The following CENPP variants were observed in gnomAD, a reference collection of about 807,000 sequenced individuals.
The protein encoded by CENPP is centromere protein P.
CENPP carries 24 observed loss-of-function variants against 35.6 expected under a neutral mutation model. The ratio of observed to expected loss-of-function variants is 0.67; its 90% CI spans 0.49 to 0.95. The LOEUF (loss-of-function observed/expected upper bound fraction) is 0.95, where lower values mean the gene tolerates loss of function less well. Ranked by LOEUF, CENPP falls within the 40% of genes least tolerant of loss-of-function variation. CENPP has a pLI of 0.00. For missense variants in CENPP, 332 were observed against 345.3 expected, an observed-to-expected ratio of 0.96 and a Z score of 0.31; for synonymous variants, 120 against 125.5, an observed-to-expected ratio of 0.96 and a Z score of 0.29.
chr9:92,365,903 G>A (rs1411992485), intron 4 of CENPP, among the ~76,000 whole-genome samples: 1 of 151,174 alleles, frequency 6.6e-6, no homozygotes, highest in Non-Finnish European at 1.5e-5. Context: ...AGGGTTCGCT[G>A]GGCATGGTGG....
At chr9:92,416,591 C>A in intron 5 of CENPP, 1 of 1,342,038 alleles carries the variant, frequency 7.5e-7, no homozygotes, top group Non-Finnish European at 1.0e-6. Flanking sequence ...TTCTTTCTCT[C>A]TTCAAAACAC....
chr9:92,455,395 A>C (rs1394678117), intron 5 of CENPP, among the ~76,000 whole-genome samples: 1 of 152,064 alleles, frequency 6.6e-6, no homozygotes, highest in Non-Finnish European at 1.5e-5. Flanking sequence ...GTCTCTTAAC[A>C]AAATAAAAAA....
intron 5 of CENPP, among the ~76,000 whole-genome samples, chr9:92,442,398 C>CAAAAAAAAAAAAAAAAA (rs71362387): frequency 1.3e-5 from 1 of 74,486 alleles, no homozygotes; most frequent in African/African-American, 4.4e-5. Context: ...AACTCTGTCT[C>CAAAAAAAAAAAAAAAAA]AAAAAAAAAA....
chr9:92,619,361 G>C lies in CENPP; in HGVS notation c.*6212G>C. 1.3e-6 allele frequency: 1 copy of C among 743,546 alleles called. No individual in the cohort carries two copies. The highest frequency in any genetic ancestry group is 1.7e-5 in the African/African-American group (1 of 58,124). The allele number at this position is 743,546 out of a possible 1,614,324, so 46.1% of individuals were successfully genotyped here. On this transcript the variant is annotated 3_prime_UTR_variant, in exon 8 of 8. Coordinates refer to ENST00000375587, the MANE Select transcript of CENPP (RefSeq NM_001012267.3). ...GCCCCATGATGTCACATAGGCCAAGGAAGTTATGTCACTCCGCCATGGAGT... is the reference window on the plus strand; with the variant it reads ...GCCCCATGATGTCACATAGGCCAAGCAAGTTATGTCACTCCGCCATGGAGT...
At chr9:92,483,284 G>A (rs892372235) in intron 5 of CENPP, among the ~76,000 whole-genome samples, 26 of 150,910 alleles carry the variant, frequency 1.7e-4, no homozygotes, top group Admixed American at 5.3e-4. Context: ...GCTGGAGTGC[G>A]GTGGCGCAAT....
chr9:92,586,140 G>A (rs1197713900), intron 5 of CENPP, among the ~76,000 whole-genome samples: 1 of 152,160 alleles, frequency 6.6e-6, no homozygotes, highest in Admixed American at 6.5e-5. Flanking sequence ...CCGCCTCCCG[G>A]TTTCAGACGA....
At chr9:92,552,159 CAT>C (rs547401216) in intron 5 of CENPP, among the ~76,000 whole-genome samples, 3 of 136,202 alleles carry the variant, frequency 2.2e-5, no homozygotes, top group Non-Finnish European at 3.1e-5. Context: ...ATAGATCTAT[CAT>C]ATATATGTGA....
At chr9:92,451,818 C>G (rs1399540846) in intron 5 of CENPP, among the ~76,000 whole-genome samples, 1 of 151,450 alleles carries the variant, frequency 6.6e-6, no homozygotes, top group African/African-American at 2.4e-5. Flanking sequence ...CTTCACATCC[C>G]TTGTAAGTTG....
At chr9:92,533,322 A>C (rs1182481994) in intron 5 of CENPP, among the ~76,000 whole-genome samples, 1 of 89,522 alleles carries the variant, frequency 1.1e-5, no homozygotes, top group African/African-American at 4.4e-5. Flanking sequence ...AAAAAAAAAA[A>C]AAAAAAATAT....
At chr9:92,588,871 T>C (rs960487387) in intron 5 of CENPP, among the ~76,000 whole-genome samples, 2 of 152,172 alleles carry the variant, frequency 1.3e-5, no homozygotes, top group African/African-American at 4.8e-5. Flanking sequence ...GGCATTCTTC[T>C]TGCAAGAGTT....
chr9:92,377,093 C>T (rs1183772870), intron 4 of CENPP, among the ~76,000 whole-genome samples: 5 of 151,826 alleles, frequency 3.3e-5, no homozygotes, highest in Non-Finnish European at 7.4e-5. Context: ...ACTTGGCTTC[C>T]AGGTATCCCT....
intron 3 of CENPP, among the ~76,000 whole-genome samples, chr9:92,338,638 C>A (rs1427824087): frequency 6.6e-6 from 1 of 151,618 alleles, no homozygotes. Flanking sequence ...TATTTTTGGT[C>A]TGCAGTTGGT....
chr9:92,501,031 A>G lies in CENPP; in HGVS notation c.565-110283A>G, dbSNP rs772897322. ...GGGACGTGATAGAGCTTGTTGTAGG[A>G]GAGATCAATGGATTCTAGATTTCTG... On this transcript the variant is annotated intron_variant, in intron 5 of 7. Transcript: ENST00000375587. 2.7e-5 allele frequency: 43 copies of G among 1,613,602 alleles called. No individual in the cohort carries two copies. Among genetic ancestry groups the G allele is most frequent in the Admixed American group, 6.7e-5 (4 of 60,000 alleles).
In CENPP at chr9:92,611,357, C is replaced by A. The variant is rs746847308; in HGVS notation, c.608C>A (p.Ser203Tyr). ...GTGTACCTCTCGGAGGGGCCCTCCT[C>A]CTGCTCCATGGGGATCCGCAGCGCC... Reference protein sequence around the residue: ...DAVYLSEGPSSCSMGIRSASR... With the variant: ...DAVYLSEGPSYCSMGIRSASR... The change falls in exon 6 of 8, where the codon TCC becomes TAC. Residue 203 changes from serine to tyrosine, a missense_variant. Coordinates refer to ENST00000375587, the MANE Select transcript of CENPP (RefSeq NM_001012267.3). The A allele has an allele frequency of 2.5e-6, 4 of 1,613,616 alleles. No homozygotes were observed. The highest frequency in any genetic ancestry group is 2.7e-5 in the African/African-American group (2 of 74,922).
chr9:92,572,997 T>C (rs1850183398), intron 5 of CENPP, among the ~76,000 whole-genome samples: 1 of 152,154 alleles, frequency 6.6e-6, no homozygotes, highest in African/African-American at 2.4e-5. Flanking sequence ...TCGTCTAATC[T>C]TTTTTTCAAG....
At chr9:92,595,401 G>A (rs924358276) in intron 5 of CENPP, among the ~76,000 whole-genome samples, 6 of 150,454 alleles carry the variant, frequency 4.0e-5, no homozygotes, top group Non-Finnish European at 7.4e-5. Context: ...AACACCACAC[G>A]CAGCTAATTT....
intron 5 of CENPP, among the ~76,000 whole-genome samples, chr9:92,592,135 A>G (rs926353409): frequency 6.6e-6 from 1 of 152,340 alleles, no homozygotes; most frequent in Non-Finnish European, 1.5e-5. Flanking sequence ...ATAAATATAT[A>G]CATTATATAA....
intron 5 of CENPP, among the ~76,000 whole-genome samples, chr9:92,508,476 G>C (rs1847142849): frequency 6.6e-6 from 1 of 152,194 alleles, no homozygotes; most frequent in African/African-American, 2.4e-5. Flanking sequence ...TCACAATCAG[G>C]AGTGCATGTT....
intron 5 of CENPP, among the ~76,000 whole-genome samples, chr9:92,496,703 TTCTG>T: frequency 6.6e-6 from 1 of 152,252 alleles, no homozygotes; most frequent in East Asian, 1.9e-4. Flanking sequence ...GGGAGATTCT[TTCTG>T]TATGTGATTT....
Sources: gnomAD v4.1 joint callset for allele counts (sites outside exome capture counted in the v4.1 genomes callset) on GRCh38, gnomAD v4.1.1 for gene constraint, MANE v1.5 for transcripts, NCBI Gene and HGNC (gene_info 2026-07-23, HGNC 2026-07-21) for gene names.